Variants in GCC2 observed in about 807,000 individuals in gnomAD.
The protein encoded by GCC2 is GRIP and coiled-coil domain-containing protein 2.
Under a neutral mutation model 210.6 loss-of-function variants are expected in GCC2, and 120 were observed. The ratio of observed to expected loss-of-function variants is 0.57; its 90% CI spans 0.49 to 0.66. GCC2 has a LOEUF of 0.66. GCC2 is among the 30% of genes least tolerant of loss of function. The probability of loss-of-function intolerance (pLI) is 0.00; values close to 1 mark genes in which losing one functional copy is unlikely to be tolerated. For missense variants in GCC2, 1,868 were observed against 1,871.9 expected (o/e 1.00, Z 0.04); for synonymous variants, 703 against 652.7 (o/e 1.08, Z -1.17).
chr2:108,471,745 G>A lies in GCC2; in HGVS notation c.2416G>A (p.Glu806Lys). ...EKCNLAFQRD[E>K]KVLELEKEIK... ...ATGCAACCTGGCTTTTCAGCGTGAT[G>A]AAAAAGTATTAGAGTTAGAAAAAGA... Residue 806 changes from glutamate (E) to lysine (K), a missense_variant, in exon 6 of 23, where the codon GAA becomes AAA. Around this residue, in one of 3 missense-constraint regions of GCC2, gnomAD observed 1,847 missense variants for 1,765.2 expected, o/e 1.05. Transcript: ENST00000309863. 6.2e-7 allele frequency: 1 copy of A among 1,612,832 alleles called. No individual in the cohort carries two copies.
chr2:108,472,410 TG>T (rs1029320858), intron 6 of GCC2, among the ~76,000 whole-genome samples: 1 of 152,082 alleles, frequency 6.6e-6, no homozygotes, highest in Non-Finnish European at 1.5e-5. Flanking sequence ...CAACTAAACA[TG>T]GAAAAACTTG....
intron 4 of GCC2, among the ~76,000 whole-genome samples, chr2:108,459,074 C>T (rs544313083): frequency 7.2e-5 from 11 of 152,046 alleles, no homozygotes; most frequent in Non-Finnish European, 1.3e-4. Flanking sequence ...GTATTCATGT[C>T]CTGCTTTTGT....
Position 108,483,106 on chromosome 2 carries a change from A to G in GCC2, c.3390A>G (p.Gln1130=), listed in dbSNP as rs1388586464. 1 of 1,599,950 alleles carries G rather than the reference A, an allele frequency of 6.3e-7. No individual in the cohort carries two copies. The highest frequency in any genetic ancestry group is 1.7e-5 in the Admixed American group (1 of 59,944). ...ATGAACTTGAAGAACTTCAGGTACAACTTCAAAAGCAAAAGAAACAGCTTC... is the reference window on the plus strand; with the variant it reads ...ATGAACTTGAAGAACTTCAGGTACAGCTTCAAAAGCAAAAGAAACAGCTTC... ...TVNELEELQV[Q]LQKQKKQLQK... The change falls in exon 12 of 23, where the codon CAA becomes CAG. Residue 1130 remains glutamine (Q), a synonymous_variant. Transcript: ENST00000309863.
At chr2:108,486,442 T>C in intron 15 of GCC2, 69 bp from the exon 16 acceptor site, 1 of 1,505,804 alleles carries the variant, frequency 6.6e-7, no homozygotes, top group Non-Finnish European at 9.2e-7. Context: ...AAGTTTGTAT[T>C]TTAAGGAAAA....
At chr2:108,456,597 T>C (rs1366612814) in intron 4 of GCC2, among the ~76,000 whole-genome samples, 2 of 152,192 alleles carry the variant, frequency 1.3e-5, no homozygotes, top group Non-Finnish European at 2.9e-5. Flanking sequence ...TAGTCCCATA[T>C]TGGATGAGTA....
At position 108,471,499 on chromosome 2, in the gene GCC2, A is replaced by G. The variant is rs770899061; in HGVS notation, c.2170A>G (p.Ile724Val). The G allele has an allele frequency of 1.9e-6, 3 of 1,608,194 alleles. No homozygotes were observed. Among genetic ancestry groups the G allele is most frequent in the Non-Finnish European group, 1.7e-6 (2 of 1,177,868 alleles). The change falls in exon 6 of 23, where the codon ATT becomes GTT. Residue 724 changes from isoleucine to valine, a missense_variant. This residue lies in a region of GCC2 where 1,847 missense variants were observed against 1,765.2 expected (regional missense o/e 1.05). Coordinates refer to ENST00000309863, the MANE Select transcript of GCC2 (RefSeq NM_181453.4). ...QKEDVILKEH[I>V]TQLEKKLQLM... ...AGAAGATGTTATCCTTAAAGAACAT[A>G]TTACTCAATTAGAAAAGAAACTTCA...
At position 108,469,103 on chromosome 2, in the gene GCC2, GTTC is replaced by G. The variant is rs533096957; in HGVS notation, c.321+22_321+24del. 115 of 1,447,952 alleles carry G rather than the reference GTTC, an allele frequency of 7.9e-5. No individual in the cohort carries two copies. In the African/African-American group the frequency reaches 1.5e-3, roughly 18 times the overall value. 89.7% of individuals were successfully genotyped at this position (1,447,952 alleles called of 1,614,324 possible). On this transcript the variant is annotated intron_variant, in intron 5 of 22. Transcript: ENST00000309863. ...GGTTGAGGTAAGTCAATATTTTAGT[GTTC>G]TTTTCTTTTTTATTAACATATAGTG...
intron 4 of GCC2, among the ~76,000 whole-genome samples, chr2:108,454,968 C>T (rs1255794402): frequency 1.0e-5 from 1 of 99,606 alleles, no homozygotes; most frequent in Non-Finnish European, 2.1e-5. Context: ...TCTCCGCTCA[C>T]TGCAACCTCT....
intron 4 of GCC2, among the ~76,000 whole-genome samples, chr2:108,467,534 T>C (rs1275351811): frequency 6.6e-6 from 1 of 152,198 alleles, no homozygotes; most frequent in African/African-American, 2.4e-5. Context: ...GGCTCAAACA[T>C]GATCCTCCCA....
chr2:108,501,244 C>CA, intron 22 of GCC2, among the ~76,000 whole-genome samples: 1 of 152,176 alleles, frequency 6.6e-6, no homozygotes, highest in Non-Finnish European at 1.5e-5. Flanking sequence ...CTTGGCCTCC[C>CA]AAAGTGCTGG....
At position 108,452,482 on chromosome 2, in the gene GCC2, G is replaced by A; in HGVS notation, c.216+16G>A. ...TATTATTAAGGTAATTATTACGTTGGGAAATGTCTAAAGAGAAATAAAATT... is the reference window on the plus strand; with the variant it reads ...TATTATTAAGGTAATTATTACGTTGAGAAATGTCTAAAGAGAAATAAAATT... On this transcript the variant is annotated intron_variant, in intron 4 of 22. Transcript: ENST00000309863. The A allele has an allele frequency of 7.1e-7, 1 of 1,414,764 alleles. No homozygotes were observed. 87.6% of individuals were successfully genotyped at this position (1,414,764 alleles called of 1,614,324 possible). A position where few individuals can be genotyped will look rare whatever the true frequency, so the allele number is the denominator to read the frequency against.
At chr2:108,486,357 T>C (rs1682139194) in intron 15 of GCC2, 154 bp from the exon 16 acceptor site, 2 of 746,700 alleles carry the variant, frequency 2.7e-6, no homozygotes, top group Admixed American at 2.3e-5. Flanking sequence ...TACTTGTCTC[T>C]GCTTTTTCAA....
chr2:108,495,974 C>T (rs1309399139), intron 20 of GCC2: 1 of 153,766 alleles, frequency 6.5e-6, no homozygotes, highest in Non-Finnish European at 1.4e-5. Flanking sequence ...TTGGCAACAC[C>T]CTCACAGACA....
At chr2:108,489,466 G>C (rs575700652) in intron 17 of GCC2, among the ~76,000 whole-genome samples, 2 of 151,736 alleles carry the variant, frequency 1.3e-5, no homozygotes, top group South Asian at 4.1e-4. Context: ...AGTGAGCCAA[G>C]ATTGCGCCAC....
At chr2:108,498,504 T>A (rs1160069091) in intron 21 of GCC2, among the ~76,000 whole-genome samples, 1 of 152,148 alleles carries the variant, frequency 6.6e-6, no homozygotes, top group East Asian at 1.9e-4. Context: ...AAATGTTATA[T>A]TTTCATAAAT....
chr2:108,492,238 C>G (rs192533662), intron 18 of GCC2, among the ~76,000 whole-genome samples: 6 of 151,506 alleles, frequency 4.0e-5, no homozygotes, highest in African/African-American at 1.5e-4. Flanking sequence ...AAGAAGTGGA[C>G]TAATTAAAAG....
rs1237686107 is a variant in GCC2 at position 108,492,623 on chromosome 2, A to G, written c.4280A>G (p.Gln1427Arg). ...ENMMMKSEHTQTVSQLTSQNE... is the reference protein window; with the variant it reads ...ENMMMKSEHTRTVSQLTSQNE... ...ATGATGATGAAATCTGAACATACAC[A>G]GACTGTGAGTCAGCTAACATCCCAG... is the stretch of plus-strand genomic sequence containing the variant. Residue 1427 changes from glutamine (Q) to arginine (R), a missense_variant, in exon 19 of 23, where the codon CAG becomes CGG. Physicochemically the swap from Gln to Arg is conservative, Grantham distance 43. Transcript: ENST00000309863. 4 of 1,613,882 alleles carry G rather than the reference A, an allele frequency of 2.5e-6. No homozygotes were observed. Among genetic ancestry groups the G allele is most frequent in the East Asian group, 2.2e-5 (1 of 44,888 alleles).
intron 22 of GCC2, among the ~76,000 whole-genome samples, chr2:108,502,061 T>C (rs1274078848): frequency 6.6e-6 from 1 of 152,066 alleles, no homozygotes; most frequent in African/African-American, 2.4e-5. Context: ...CTAACAAAAG[T>C]AAACCTAATT....
At chr2:108,488,503 A>T (rs1232745576) in intron 17 of GCC2, among the ~76,000 whole-genome samples, 2 of 152,236 alleles carry the variant, frequency 1.3e-5, no homozygotes, top group Non-Finnish European at 2.9e-5. Flanking sequence ...AATGCTAAGC[A>T]TACTTATTTG....
Sources: gnomAD v4.1 joint callset for allele counts (sites outside exome capture counted in the v4.1 genomes callset) on GRCh38, gnomAD v4.1.1 for gene constraint, gnomAD v4.1.1 regional missense constraint, MANE v1.5 for transcripts, NCBI Gene and HGNC (gene_info 2026-07-23, HGNC 2026-07-21) for gene names.